MAP3K14: variants seen among roughly 807,000 people sequenced by gnomAD.
The protein encoded by MAP3K14 is mitogen-activated protein kinase kinase kinase 14.
A neutral mutation model predicts 99.2 loss-of-function variants in MAP3K14; 16 were observed. The observed-to-expected ratio is 0.16, with a 90% CI of 0.11 to 0.24. The LOEUF is 0.24. MAP3K14 is among the 10% of genes least tolerant of loss of function. MAP3K14 has a pLI of 1.00. For synonymous variants in MAP3K14, 462 were observed against 492.4 expected, an observed-to-expected ratio of 0.94 and a Z score of 0.82; for missense variants, 784 against 1,208.7, an observed-to-expected ratio of 0.65 and a Z score of 5.21.
intron 2 of MAP3K14, 42 bp downstream of exon 2, chr17:45,290,448 C>A (rs769205186): frequency 1.9e-6 from 3 of 1,607,396 alleles, no homozygotes; most frequent in Non-Finnish European, 2.6e-6. Flanking sequence ...ACCTGCAGGC[C>A]CACCCACCTG....
chr17:45,298,867 G>A (rs898247589), intron 1 of MAP3K14, among the ~76,000 whole-genome samples: 17 of 152,212 alleles, frequency 1.1e-4, no homozygotes, highest in Non-Finnish European at 2.1e-4. Flanking sequence ...CAATGACAGA[G>A]ATAGACACAC....
At chr17:45,280,041 C>G (rs2044209939) in intron 6 of MAP3K14, among the ~76,000 whole-genome samples, 1 of 152,216 alleles carries the variant, frequency 6.6e-6, no homozygotes, top group Non-Finnish European at 1.5e-5. Flanking sequence ...GATTTCACAT[C>G]TCTGTCCCCA....
intron 1 of MAP3K14, among the ~76,000 whole-genome samples, chr17:45,299,961 G>T (rs543708801): frequency 1.3e-5 from 2 of 151,892 alleles, no homozygotes; most frequent in African/African-American, 4.8e-5. Flanking sequence ...ATGGTGGCGC[G>T]TGCCTGTAAT....
chr17:45,273,697 T>C (rs2143789984), intron 8 of MAP3K14, 90 bp from the exon 9 acceptor site: 1 of 929,608 alleles, frequency 1.1e-6, no homozygotes, highest in Non-Finnish European at 1.7e-6. Context: ...CCTCCAGTGA[T>C]GTAATTTTCT....
chr17:45,270,637 G>C, intron 10 of MAP3K14, 74 bp from the exon 11 acceptor site: 1 of 1,453,980 alleles, frequency 6.9e-7, no homozygotes, highest in East Asian at 2.5e-5. Context: ...TGCTCTTTGC[G>C]CAACTCCCGC....
At chr17:45,265,096 T>A in intron 15 of MAP3K14, 67 bp downstream of exon 15, 1 of 1,302,686 alleles carries the variant, frequency 7.7e-7, no homozygotes, top group South Asian at 1.2e-5. Context: ...GCTTTCCTCC[T>A]GGAGGGTGGG....
At chr17:45,316,244 G>A (rs967097769) in intron 1 of MAP3K14, among the ~76,000 whole-genome samples, 5 of 152,232 alleles carry the variant, frequency 3.3e-5, no homozygotes, top group African/African-American at 1.2e-4. Context: ...GGAGGCTCCC[G>A]GGCAGGTGGG....
At chr17:45,297,947 G>A (rs2044358191) in intron 1 of MAP3K14, among the ~76,000 whole-genome samples, 2 of 151,978 alleles carry the variant, frequency 1.3e-5, no homozygotes, top group Non-Finnish European at 2.9e-5. Flanking sequence ...TCGAACTCCT[G>A]ACCTCAGGTG....
intron 6 of MAP3K14, among the ~76,000 whole-genome samples, chr17:45,283,512 C>T (rs1044918943): frequency 1.3e-5 from 2 of 152,170 alleles, no homozygotes; most frequent in Non-Finnish European, 2.9e-5. Flanking sequence ...CCAGGGAAGC[C>T]GGGTTTATTC....
Position 45,275,095 on chromosome 17 carries a change from C to T in MAP3K14, c.1291-502G>A, listed in dbSNP as rs189238601. On this transcript the variant is annotated intron_variant, in intron 6 of 15. Coordinates refer to ENST00000344686, the MANE Select transcript of MAP3K14 (RefSeq NM_003954.5). Reference sequence around the variant, plus strand: ...CGGAGCTTGCAGTGAGCTGAGATTGCGCCAGTGCACTCCAGCCTGGGCAAC... The same window carrying T: ...CGGAGCTTGCAGTGAGCTGAGATTGTGCCAGTGCACTCCAGCCTGGGCAAC... Among the ~76,000 whole-genome samples the T allele has an allele frequency of 3.0e-4, 45 of 150,922 alleles. 1 individual carries two copies. The highest frequency in any genetic ancestry group is 1.1e-3 in the Admixed American group (17 of 15,126).
intron 1 of MAP3K14, among the ~76,000 whole-genome samples, chr17:45,310,247 G>A (rs1341733416): frequency 6.6e-6 from 1 of 151,808 alleles, no homozygotes; most frequent in Non-Finnish European, 1.5e-5. Context: ...TGTTGGCCAG[G>A]ATGGTCTCAA....
intron 1 of MAP3K14, among the ~76,000 whole-genome samples, chr17:45,315,756 C>A (rs1272845383): frequency 1.3e-5 from 2 of 152,148 alleles, no homozygotes; most frequent in African/African-American, 4.8e-5. Flanking sequence ...ATATATACCA[C>A]CCCCACTCCC....
intron 1 of MAP3K14, among the ~76,000 whole-genome samples, chr17:45,307,698 G>A (rs543680933): frequency 1.3e-5 from 2 of 152,318 alleles, no homozygotes; most frequent in South Asian, 4.1e-4. Flanking sequence ...GTCTACCTGT[G>A]TTCAGAAAAG....
chr17:45,272,461 A>C lies in MAP3K14; in HGVS notation c.1657+1042T>G, dbSNP rs1276604366. On this transcript the variant is annotated intron_variant, in intron 9 of 15. Coordinates refer to ENST00000344686, the MANE Select transcript of MAP3K14 (RefSeq NM_003954.5). This position sits in a 1 kb window ranked among gnomAD's most constrained non-coding sequence, Gnocchi z 4.1. ...GTGTCCACATTCAATTTACATCTTCAGAATTGCCAACATAGTCCTTTAACA... is the reference window on the plus strand; with the variant it reads ...GTGTCCACATTCAATTTACATCTTCCGAATTGCCAACATAGTCCTTTAACA... 2.6e-5 allele frequency among the ~76,000 whole-genome samples: 4 copies of C among 152,254 alleles called. No individual in the cohort carries two copies. The highest frequency in any genetic ancestry group is 5.9e-5 in the Non-Finnish European group (4 of 68,044).
At chr17:45,285,510 C>T (rs2143817302) in intron 5 of MAP3K14, among the ~76,000 whole-genome samples, 1 of 152,202 alleles carries the variant, frequency 6.6e-6, no homozygotes, top group African/African-American at 2.4e-5. Context: ...CCTGTAGTCT[C>T]AGCTACTCGG....
At chr17:45,265,680 C>T (rs891021546) in intron 14 of MAP3K14, among the ~76,000 whole-genome samples, 2 of 152,184 alleles carry the variant, frequency 1.3e-5, no homozygotes, top group African/African-American at 4.8e-5. Context: ...TCATGTAATC[C>T]ACCTGCCTTG....
At chr17:45,298,218 A>G (rs1004009008) in intron 1 of MAP3K14, among the ~76,000 whole-genome samples, 1 of 152,246 alleles carries the variant, frequency 6.6e-6, no homozygotes, top group African/African-American at 2.4e-5. Context: ...TAATAGAAAT[A>G]CAATTCAGAC....
intron 6 of MAP3K14, chr17:45,281,786 G>A (rs905949368): frequency 6.6e-6 from 1 of 151,376 alleles, no homozygotes; most frequent in African/African-American, 2.4e-5. Context: ...TGGGATTACA[G>A]GCACCTGCCA....
chr17:45,305,091 T>C (rs1351164050), intron 1 of MAP3K14, among the ~76,000 whole-genome samples: 1 of 152,116 alleles, frequency 6.6e-6, no homozygotes, highest in East Asian at 1.9e-4. Flanking sequence ...TTTGGTTTTA[T>C]GTTTTTTTAT....
Sources: allele counts gnomAD v4.1 joint callset (sites outside exome capture counted in the v4.1 genomes callset), GRCh38; gene constraint gnomAD v4.1.1; non-coding constraint Gnocchi (gnomAD v3.1); transcripts MANE v1.5; gene names NCBI Gene and HGNC (gene_info 2026-07-23, HGNC 2026-07-21).